The following COPS4 variants were observed in gnomAD, a reference collection of about 807,000 sequenced individuals.
COPS4 encodes the protein COP9 signalosome complex subunit 4.
Under a neutral mutation model 55.1 loss-of-function variants are expected in COPS4, and 8 were observed. The ratio of observed to expected loss-of-function variants is 0.15; its 90% CI spans 0.09 to 0.26. The LOEUF is 0.26. Ranked by LOEUF, COPS4 falls within the 10% of genes least tolerant of loss-of-function variation. COPS4 has a pLI of 1.00. For synonymous variants in COPS4, 185 were observed against 165.7 expected, an observed-to-expected ratio of 1.12 and a Z score of -0.90; for missense variants, 248 against 484.0, an observed-to-expected ratio of 0.51 and a Z score of 4.58.
Position 83,056,927 on chromosome 4 carries a change from C to G in COPS4, c.412C>G (p.Gln138Glu). The G allele has an allele frequency of 6.2e-7, 1 of 1,606,604 alleles. No individual in the cohort carries two copies. Among genetic ancestry groups the G allele is most frequent in the Non-Finnish European group, 8.5e-7 (1 of 1,175,858 alleles). ...VGIPLETGQK[Q>E]YNVDYKLETY... is the part of the protein sequence containing the mutation. ...ATGTGTTTTTCTGTTACATCCTAGA[C>G]AGTACAATGTAGATTATAAACTGGA... The change falls in exon 5 of 10, where the codon CAG becomes GAG. Residue 138 changes from glutamine to glutamate, a missense_variant and splice_region_variant. This residue lies in a region of COPS4 where 155 missense variants were observed against 326.6 expected (regional missense o/e 0.47). Coordinates refer to ENST00000264389, the MANE Select transcript of COPS4 (RefSeq NM_016129.3).
chr4:83,056,849 A>G (rs1393518897), intron 4 of COPS4, 77 bp from the exon 5 acceptor site: 2 of 1,233,848 alleles, frequency 1.6e-6, no homozygotes, highest in Admixed American at 2.3e-5. Context: ...TCAGGAAAAA[A>G]CAACATATCT....
In COPS4 at chr4:83,057,261, T is replaced by A; in HGVS notation, c.568T>A (p.Cys190Ser). 1 of 1,591,782 alleles carries A rather than the reference T, an allele frequency of 6.3e-7. No individual in the cohort carries two copies. Among genetic ancestry groups the A allele is most frequent in the Non-Finnish European group, 8.5e-7 (1 of 1,169,596 alleles). ...NEQLQIHYKVCYARVLDYRRK... is the reference protein window; with the variant it reads ...NEQLQIHYKVSYARVLDYRRK... ...TGAAATATTTTCCCTCTGTTAGGTATGCTATGCACGTGTTCTTGATTATAG... is the reference window on the plus strand; with the variant it reads ...TGAAATATTTTCCCTCTGTTAGGTAAGCTATGCACGTGTTCTTGATTATAG... The change falls in exon 6 of 10, where the codon TGC becomes AGC. Residue 190 changes from cysteine (C) to serine (S), a missense_variant. Physicochemically the swap from Cys to Ser is moderately radical, Grantham distance 112. This residue lies in a region of COPS4 where 155 missense variants were observed against 326.6 expected (regional missense o/e 0.47). Transcript: ENST00000264389.
intron 4 of COPS4, among the ~76,000 whole-genome samples, chr4:83,054,535 G>C (rs1440166888): frequency 6.6e-6 from 1 of 152,044 alleles, no homozygotes; most frequent in Non-Finnish European, 1.5e-5. Flanking sequence ...TTGAAAAAGC[G>C]GCCAGTTTGT....
chr4:83,063,146 G>A lies in COPS4; in HGVS notation c.786G>A (p.Gly262=). The A allele has an allele frequency of 6.2e-7, 1 of 1,610,258 alleles. No individual in the cohort carries two copies. The highest frequency in any genetic ancestry group is 8.5e-7 in the Non-Finnish European group (1 of 1,178,626). ...GGTGCCAGCAACTTGCTGCCTATGG[G>A]ATCCTAGAGAAAATGTATCTAGATA... ...DERCQQLAAY[G]ILEKMYLDRI... The change falls in exon 7 of 10, where the codon GGG becomes GGA. Residue 262 remains glycine (G), a synonymous_variant. Coordinates refer to ENST00000264389, the MANE Select transcript of COPS4 (RefSeq NM_016129.3).
chr4:83,058,742 T>C (rs1225556861), intron 6 of COPS4, among the ~76,000 whole-genome samples: 1 of 152,212 alleles, frequency 6.6e-6, no homozygotes, highest in African/African-American at 2.4e-5. Context: ...AACTCATTCT[T>C]TTTGGTTTTC....
chr4:83,065,586 A>G (rs753656072), intron 7 of COPS4, among the ~76,000 whole-genome samples: 6 of 152,208 alleles, frequency 3.9e-5, no homozygotes, highest in Non-Finnish European at 7.3e-5. Flanking sequence ...ATATGTAAGC[A>G]TTGGGTGAGC....
intron 6 of COPS4, among the ~76,000 whole-genome samples, chr4:83,059,674 T>G (rs567753269): frequency 6.6e-5 from 10 of 151,996 alleles, no homozygotes; most frequent in African/African-American, 2.4e-4. Flanking sequence ...AGGAAACAGC[T>G]CAATTCTTCT....
chr4:83,067,843 C>T (rs1453908768), intron 8 of COPS4, among the ~76,000 whole-genome samples: 1 of 152,066 alleles, frequency 6.6e-6, no homozygotes, highest in Non-Finnish European at 1.5e-5. Context: ...ATATTTTTAA[C>T]AATAAATGCT....
chr4:83,038,464 T>A (rs187217724), intron 1 of COPS4, among the ~76,000 whole-genome samples: 14 of 152,312 alleles, frequency 9.2e-5, no homozygotes, highest in Non-Finnish European at 1.6e-4. Flanking sequence ...CTTTTTGGCC[T>A]TATTTTCACA....
Position 83,066,506 on chromosome 4 carries a change from A to G in COPS4, c.955A>G (p.Ile319Val), listed in dbSNP as rs1460740460. ...LLSASKLYNNITFEELGALLE... is the reference protein window; with the variant it reads ...LLSASKLYNNVTFEELGALLE... The stretch of plus-strand genomic sequence containing the variant: ...GTCTGCAAGCAAATTATATAATAAT[A>G]TTACCTTCGAAGAACTTGGAGCTCT... The change falls in exon 8 of 10, where the codon ATT becomes GTT. Residue 319 changes from isoleucine to valine, a missense_variant. Ile to Val is a conservative substitution (Grantham distance 29). Around this residue, in one of 4 missense-constraint regions of COPS4, gnomAD observed 155 missense variants for 326.6 expected, o/e 0.47. Coordinates refer to ENST00000264389, the MANE Select transcript of COPS4 (RefSeq NM_016129.3). 2 of 1,601,946 alleles carry G rather than the reference A, an allele frequency of 1.2e-6. No homozygotes were observed. Among genetic ancestry groups the G allele is most frequent in the African/African-American group, 2.7e-5 (2 of 74,594 alleles).
chr4:83,051,098 C>CAA (rs536123309), intron 4 of COPS4, among the ~76,000 whole-genome samples: 2,068 of 102,898 alleles, frequency 0.02, 69 homozygotes, highest in African/African-American at 0.065. Flanking sequence ...CCATCTCCAC[C>CAA]AAAAAAAAAA....
chr4:83,043,050 C>T (rs1730608617), intron 1 of COPS4, among the ~76,000 whole-genome samples: 2 of 152,140 alleles, frequency 1.3e-5, no homozygotes, highest in South Asian at 2.1e-4. Context: ...GCGACTGGCC[C>T]TCAATTTATT....
chr4:83,057,161 C>A, intron 5 of COPS4, 82 bp downstream of exon 5: 1 of 1,498,274 alleles, frequency 6.7e-7, no homozygotes, highest in Non-Finnish European at 9.1e-7. Context: ...CTGATAGATG[C>A]TCTTAAATAT....
chr4:83,044,518 C>G (rs1013604872), intron 1 of COPS4, among the ~76,000 whole-genome samples: 2 of 151,514 alleles, frequency 1.3e-5, no homozygotes, highest in African/African-American at 4.8e-5. Flanking sequence ...TGGCTAACGC[C>G]TGTAATCCCA....
intron 1 of COPS4, among the ~76,000 whole-genome samples, chr4:83,043,697 G>GA (rs1213459258): frequency 2.0e-5 from 3 of 151,832 alleles, no homozygotes; most frequent in South Asian, 2.1e-4. Context: ...AATTAAATAT[G>GA]AAAAAAATAA....
chr4:83,048,196 T>C (rs1026646061), intron 2 of COPS4, among the ~76,000 whole-genome samples: 2 of 152,194 alleles, frequency 1.3e-5, no homozygotes, highest in African/African-American at 4.8e-5. Context: ...ATGTTACACA[T>C]GAGGAAACAG....
intron 4 of COPS4, among the ~76,000 whole-genome samples, chr4:83,056,604 C>T (rs961102619): frequency 3.3e-5 from 5 of 152,124 alleles, no homozygotes; most frequent in African/African-American, 9.7e-5. Flanking sequence ...CGAAACCATC[C>T]TGGCTAACAC....
chr4:83,043,343 C>A (rs763873584), intron 1 of COPS4, among the ~76,000 whole-genome samples: 3 of 150,984 alleles, frequency 2.0e-5, no homozygotes, highest in Non-Finnish European at 4.4e-5. Context: ...GTAGTGAGAC[C>A]CCATCTCTAC....
intron 6 of COPS4, among the ~76,000 whole-genome samples, chr4:83,059,953 C>A (rs1284389184): frequency 6.6e-6 from 1 of 151,882 alleles, no homozygotes; most frequent in Non-Finnish European, 1.5e-5. Flanking sequence ...CGCCCTCCTC[C>A]GCCTTCCAAA....
Sources: allele counts gnomAD v4.1 joint callset (sites outside exome capture counted in the v4.1 genomes callset), GRCh38; gene constraint gnomAD v4.1.1; regional missense constraint gnomAD v4.1.1; transcripts MANE v1.5; gene names NCBI Gene and HGNC (gene_info 2026-07-23, HGNC 2026-07-21).